The following VWDE variants were observed in gnomAD, a reference collection of about 807,000 sequenced individuals.
The protein encoded by VWDE is von Willebrand factor D and EGF domains.
A neutral mutation model predicts 178.4 loss-of-function variants in VWDE; 207 were observed. That is an observed-to-expected ratio of 1.16 (90% CI 1.04 to 1.30). The LOEUF is 1.30. Among genes scored for constraint, VWDE ranks in the 50% most tolerant of loss-of-function variants. The pLI is 0.00. For missense variants in VWDE, 2,287 were observed against 1,901.3 expected (o/e 1.20, Z -3.77); for synonymous variants, 738 against 651.4 (o/e 1.13, Z -2.02).
intron 4 of VWDE, among the ~76,000 whole-genome samples, chr7:12,382,776 T>C (rs1783917999): frequency 6.6e-6 from 1 of 151,912 alleles, no homozygotes; most frequent in Admixed American, 6.6e-5. Context: ...ATAATTTCAA[T>C]TTCTGCCCAT....
chr7:12,353,013 C>A (rs114561537), intron 18 of VWDE, among the ~76,000 whole-genome samples: 348 of 152,198 alleles, frequency 2.3e-3, no homozygotes, highest in Middle Eastern at 6.8e-3. Flanking sequence ...CCATAGTAAC[C>A]CTAGTTTCTG....
chr7:12,397,880 G>A (rs531337220), intron 1 of VWDE, among the ~76,000 whole-genome samples: 26 of 152,144 alleles, frequency 1.7e-4, no homozygotes, highest in African/African-American at 5.5e-4. Context: ...ACACCAGTCC[G>A]AATCACTATT....
At chr7:12,340,567 C>T (rs1444598871) in intron 23 of VWDE, 150 bp from the exon 24 acceptor site, 8 of 569,194 alleles carry the variant, frequency 1.4e-5, no homozygotes, top group South Asian at 5.7e-5. Flanking sequence ...CTTTGCCAAA[C>T]ATAAGAGGAA....
At chr7:12,386,625 A>T (rs1416492567) in intron 3 of VWDE, among the ~76,000 whole-genome samples, 1 of 152,142 alleles carries the variant, frequency 6.6e-6, no homozygotes, top group Non-Finnish European at 1.5e-5. Flanking sequence ...CTGCTGTTTG[A>T]GATGTTCTTC....
In VWDE at chr7:12,372,973, A is replaced by T; in HGVS notation, c.1587+4T>A. The stretch of plus-strand genomic sequence containing the variant: ...TACTTTCAATGTTAAAGAATCATAC[A>T]TACTGTGACTTTTCTTCCTAAGTAA... On this transcript the variant is annotated splice_donor_region_variant and intron_variant, in intron 10 of 28. Coordinates refer to ENST00000275358, the MANE Select transcript of VWDE (RefSeq NM_001135924.3). 1 of 1,550,514 alleles carries T rather than the reference A, an allele frequency of 6.4e-7. No individual in the cohort carries two copies. Among genetic ancestry groups the T allele is most frequent in the Non-Finnish European group, 8.7e-7 (1 of 1,146,222 alleles).
chr7:12,372,883 A>G, intron 10 of VWDE, 94 bp downstream of exon 10: 2 of 1,231,960 alleles, frequency 1.6e-6, no homozygotes, highest in South Asian at 2.9e-5. Context: ...TAAACAAACT[A>G]ATGTTGAAAA....
intron 18 of VWDE, among the ~76,000 whole-genome samples, chr7:12,352,050 G>A (rs1781972391): frequency 6.6e-6 from 1 of 152,144 alleles, no homozygotes; most frequent in African/African-American, 2.4e-5. Context: ...CACACATGCA[G>A]GGAAGACCTG....
Position 12,351,633 on chromosome 7 carries a change from C to A in VWDE, c.3826G>T (p.Asp1276Tyr), listed in dbSNP as rs866021077. ...TTTCTCCCTTGGGCATTTTTATCATCCTCTTCTTTATTTACACTTTTATCA... is the reference window on the plus strand; with the variant it reads ...TTTCTCCCTTGGGCATTTTTATCATACTCTTCTTTATTTACACTTTTATCA... ...RSDKSVNKEEDDKNAQGRKRH... is the reference protein window; with the variant it reads ...RSDKSVNKEEYDKNAQGRKRH... Residue 1276 changes from aspartate (D) to tyrosine (Y), a missense_variant, in exon 19 of 29, where the codon GAT becomes TAT. By Grantham distance (160) the Asp-to-Tyr change is radical (BLOSUM62 -3). Coordinates refer to ENST00000275358, the MANE Select transcript of VWDE (RefSeq NM_001135924.3). 9.7e-6 allele frequency: 15 copies of A among 1,547,352 alleles called. No individual in the cohort carries two copies. Among genetic ancestry groups the A allele is most frequent in the Non-Finnish European group, 1.3e-5 (15 of 1,145,534 alleles).
At chr7:12,348,978 A>G (rs1017747686) in intron 19 of VWDE, among the ~76,000 whole-genome samples, 6 of 152,076 alleles carry the variant, frequency 3.9e-5, no homozygotes, top group Non-Finnish European at 8.8e-5. Flanking sequence ...TCGCAAGAAC[A>G]AAAAACCAAA....
chr7:12,389,360 T>C lies in VWDE; in HGVS notation c.244-2A>G. ...GGCCTGAGTTCCACAATGGTTCATC[T>C]TTTGCAGGAGAGAAAACAAAAGTTG... On this transcript the variant is annotated splice_acceptor_variant, in intron 2 of 28. Coordinates refer to ENST00000275358, the MANE Select transcript of VWDE (RefSeq NM_001135924.3). LOFTEE classifies it high-confidence loss of function. 6.5e-7 allele frequency: 1 copy of C among 1,535,210 alleles called. No individual in the cohort carries two copies. The highest frequency in any genetic ancestry group is 2.5e-5 in the East Asian group (1 of 40,474).
At chr7:12,400,688 AC>A (rs139462462) in intron 1 of VWDE, among the ~76,000 whole-genome samples, 15,117 of 152,054 alleles carry the variant, frequency 0.099, 1,035 homozygotes, top group Non-Finnish European at 0.14. Context: ...AACACTTTCC[AC>A]CTCATTGTAC....
intron 13 of VWDE, among the ~76,000 whole-genome samples, chr7:12,365,870 T>C (rs755473392): frequency 1.3e-5 from 2 of 152,092 alleles, no homozygotes; most frequent in African/African-American, 2.4e-5. Context: ...TTTCTTTCTA[T>C]AGTTTTTGAT....
At position 12,389,376 on chromosome 7, in the gene VWDE, A is replaced by T; in HGVS notation, c.244-18T>A. On this transcript the variant is annotated intron_variant, in intron 2 of 28. Coordinates refer to ENST00000275358, the MANE Select transcript of VWDE (RefSeq NM_001135924.3). ...TGGTTCATCTTTTGCAGGAGAGAAA[A>T]CAAAAGTTGAAAATTCAGTTTATTT... The T allele has an allele frequency of 6.6e-7, 1 of 1,512,348 alleles. No homozygotes were observed. The highest frequency in any genetic ancestry group is 9.0e-7 in the Non-Finnish European group (1 of 1,115,316). 93.7% of individuals were successfully genotyped at this position (1,512,348 alleles called of 1,614,324 possible).
intron 26 of VWDE, 123 bp downstream of exon 26, chr7:12,336,865 T>C (rs1324588593): frequency 5.6e-6 from 5 of 892,104 alleles, no homozygotes; most frequent in Admixed American, 2.9e-5. Context: ...AAAGCAAGAA[T>C]AAATATGCAA....
Position 12,403,692 on chromosome 7 carries a change from C to T in VWDE, c.25G>A (p.Val9Met), listed in dbSNP as rs570736369. 2.6e-6 allele frequency: 4 copies of T among 1,548,666 alleles called. No homozygotes were observed. In the South Asian group the frequency reaches 3.6e-5, roughly 14 times the overall value. Residue 9 changes from valine to methionine, a missense_variant, in exon 1 of 29, where the codon GTG becomes ATG. Physicochemically the swap from Val to Met is conservative, Grantham distance 21. Transcript: ENST00000275358. The part of the protein sequence containing the change: MPGGACVL[V>M]IALMFLAWGE... ...CAGGCCAGGAACATCAGCGCGATCACCAGCACGCAGGCTCCGCCAGGCATC... is the reference window on the plus strand; with the variant it reads ...CAGGCCAGGAACATCAGCGCGATCATCAGCACGCAGGCTCCGCCAGGCATC...
At chr7:12,354,719 A>AT (rs989005480) in intron 18 of VWDE, among the ~76,000 whole-genome samples, 5 of 151,890 alleles carry the variant, frequency 3.3e-5, no homozygotes, top group African/African-American at 1.2e-4. Flanking sequence ...AGTACATACG[A>AT]TTTTGTTTTT....
chr7:12,366,701 T>G (rs1276948853), intron 13 of VWDE, among the ~76,000 whole-genome samples: 1 of 152,118 alleles, frequency 6.6e-6, no homozygotes, highest in African/African-American at 2.4e-5. Flanking sequence ...GTAAGAAGAA[T>G]ATTATAATGT....
chr7:12,383,502 A>T, intron 4 of VWDE, 34 bp downstream of exon 4: 1 of 1,499,594 alleles, frequency 6.7e-7, no homozygotes. Flanking sequence ...TAGTTTATAA[A>T]AACACTATTA....
intron 16 of VWDE, 71 bp from the exon 17 acceptor site, chr7:12,357,586 C>A: frequency 6.7e-7 from 1 of 1,481,882 alleles, no homozygotes. Flanking sequence ...TGAGAGCTCC[C>A]ACAGAGATAT....
Sources: gnomAD v4.1 joint callset for allele counts (sites outside exome capture counted in the v4.1 genomes callset) on GRCh38, gnomAD v4.1.1 for gene constraint, MANE v1.5 for transcripts, NCBI Gene and HGNC (gene_info 2026-07-23, HGNC 2026-07-21) for gene names.